The following SLC27A1 variants were observed in gnomAD, a reference collection of about 807,000 sequenced individuals.
SLC27A1 encodes the protein long-chain fatty acid transport protein 1.
A neutral mutation model predicts 62.2 loss-of-function variants in SLC27A1; 61 were observed. The ratio of observed to expected loss-of-function variants is 0.98; its 90% confidence interval spans 0.80 to 1.21. SLC27A1 has a LOEUF of 1.21. Ranked by LOEUF, SLC27A1 falls within the 50% of genes most tolerant of loss-of-function variation. SLC27A1 has a pLI of 0.00. For synonymous variants in SLC27A1, 435 were observed against 408.6 expected, an observed-to-expected ratio of 1.06 and a Z score of -0.78; for missense variants, 903 against 932.1, an observed-to-expected ratio of 0.97 and a Z score of 0.41.
At chr19:17,482,423 C>T (rs1008280449) in intron 1 of SLC27A1, among the ~76,000 whole-genome samples, 2 of 151,926 alleles carry the variant, frequency 1.3e-5, no homozygotes, top group Non-Finnish European at 2.9e-5. Flanking sequence ...GAGGCCGAGG[C>T]GGGTGGATCA....
chr19:17,497,291 C>G lies in SLC27A1; in HGVS notation c.1033C>G (p.Leu345Val). 1 of 1,606,688 alleles carries G rather than the reference C, an allele frequency of 6.2e-7. No homozygotes were observed. The highest frequency in any genetic ancestry group is 2.3e-5 in the East Asian group (1 of 44,156). ...CATCGGGGAGATCTGCCGCTACCTG[C>G]TGAAGCAGCCGGTGCGCGAGGCGGA... ...QYIGEICRYL[L>V]KQPVREAERR... is the part of the protein sequence containing the mutation. Residue 345 changes from leucine (L) to valine (V), a missense_variant, in exon 7 of 12, where the codon CTG becomes GTG. Leu to Val is a conservative substitution (Grantham distance 32). Transcript: ENST00000252595.
chr19:17,488,630 A>G, intron 4 of SLC27A1: 1 of 595,430 alleles, frequency 1.7e-6, no homozygotes. Context: ...TGGCTGCATT[A>G]CCATCAGCCC....
At chr19:17,472,834 T>G (rs2075089654) in intron 1 of SLC27A1, among the ~76,000 whole-genome samples, 1 of 152,096 alleles carries the variant, frequency 6.6e-6, no homozygotes, top group African/African-American at 2.4e-5. Context: ...GCTCCCTTTT[T>G]TTTGAGACAG....
chr19:17,483,440 A>G (rs1190272194), intron 1 of SLC27A1, among the ~76,000 whole-genome samples: 3 of 151,964 alleles, frequency 2.0e-5, no homozygotes, highest in Non-Finnish European at 2.9e-5. Context: ...GGCTGTGCTC[A>G]GCTCAGTGAG....
intron 1 of SLC27A1, among the ~76,000 whole-genome samples, chr19:17,485,501 GT>G (rs2075220844): frequency 7.9e-5 from 3 of 37,800 alleles, no homozygotes; most frequent in Non-Finnish European, 1.3e-4. Flanking sequence ...AGCATTTCTT[GT>G]TTGTTTGTTT....
Position 17,501,430 on chromosome 19 carries a change from C to T in SLC27A1, c.1783+11C>T. The T allele has an allele frequency of 6.2e-7, 1 of 1,609,592 alleles. No homozygotes were observed. Among genetic ancestry groups the T allele is most frequent in the Non-Finnish European group, 8.5e-7 (1 of 1,178,038 alleles). On this transcript the variant is annotated intron_variant, in intron 11 of 11. Transcript: ENST00000252595. The stretch of plus-strand genomic sequence containing the variant: ...AGGTGGACACCACAGGTGCGAGTCT[C>T]CCCCACTCCAATCTCTCTCTTCATC...
intron 1 of SLC27A1, chr19:17,483,999 C>G (rs2075204541): frequency 6.6e-6 from 1 of 152,310 alleles, no homozygotes. Flanking sequence ...GCCTGGTATT[C>G]AGTCATATAC....
chr19:17,492,616 CAAAA>C (rs35790162), intron 6 of SLC27A1, among the ~76,000 whole-genome samples: 5 of 70,634 alleles, frequency 7.1e-5, no homozygotes, highest in African/African-American at 2.7e-4. Flanking sequence ...GACTCCATCT[CAAAA>C]AAAAAAAAAA....
intron 6 of SLC27A1, 21 bp downstream of exon 6, chr19:17,489,138 G>C (rs2075269253): frequency 6.3e-7 from 1 of 1,599,756 alleles, no homozygotes; most frequent in Non-Finnish European, 8.5e-7. Context: ...GCCCTGTTCT[G>C]TCTAGACCCC....
At chr19:17,471,409 G>C (rs1458366969) in intron 1 of SLC27A1, among the ~76,000 whole-genome samples, 3 of 151,986 alleles carry the variant, frequency 2.0e-5, no homozygotes, top group Non-Finnish European at 4.4e-5. Context: ...GTCTCTTCTG[G>C]AGACTGGGAC....
chr19:17,475,895 G>C (rs1023071131), intron 1 of SLC27A1, among the ~76,000 whole-genome samples: 4 of 152,132 alleles, frequency 2.6e-5, no homozygotes, highest in Non-Finnish European at 4.4e-5. Context: ...GGCTGCCTAG[G>C]CATGTGGCTG....
Position 17,505,117 on chromosome 19 carries a change from C to G in SLC27A1, c.*505C>G. The G allele has an allele frequency of 2.9e-6, 1 of 349,644 alleles. No individual in the cohort carries two copies. The highest frequency in any genetic ancestry group is 5.6e-6 in the Non-Finnish European group (1 of 178,238). The allele number at this position is 349,644 out of a possible 1,614,324, so 21.7% of individuals were successfully genotyped here. A position where few individuals can be genotyped will look rare whatever the true frequency, so the allele number is the denominator to read the frequency against. ...CCATGTTGGTCAGGTTGGTCTTGAACTCCTGACCTCAGGTGATCCGCTGGC... is the reference window on the plus strand; with the variant it reads ...CCATGTTGGTCAGGTTGGTCTTGAAGTCCTGACCTCAGGTGATCCGCTGGC... On this transcript the variant is annotated 3_prime_UTR_variant, in exon 12 of 12. Transcript: ENST00000252595.
At position 17,486,888 on chromosome 19, in the gene SLC27A1, G is replaced by A. The variant is rs1380376807; in HGVS notation, c.493G>A (p.Glu165Lys). 1.9e-6 allele frequency: 3 copies of A among 1,588,874 alleles called. No individual in the cohort carries two copies. The highest frequency in any genetic ancestry group is 2.3e-5 in the East Asian group (1 of 44,404). Reference protein sequence around the residue: ...AALLNVNLRREPLAFCLGTSG... With the variant: ...AALLNVNLRRKPLAFCLGTSG... ...GCTGCTCAACGTGAACCTGCGGCGCGAGCCCCTGGCCTTCTGCCTGGGCAC... is the reference window on the plus strand; with the variant it reads ...GCTGCTCAACGTGAACCTGCGGCGCAAGCCCCTGGCCTTCTGCCTGGGCAC... Residue 165 changes from glutamate to lysine, a missense_variant, in exon 2 of 12, where the codon GAG becomes AAG. Transcript: ENST00000252595. The surrounding 1 kb of genome is among the most constrained non-coding windows in gnomAD (Gnocchi z 6.6).
chr19:17,486,447 T>C lies in SLC27A1; in HGVS notation c.168-116T>C. 1 of 1,262,412 alleles carries C rather than the reference T, an allele frequency of 7.9e-7. No individual in the cohort carries two copies. The highest frequency in any genetic ancestry group is 1.5e-5 in the African/African-American group (1 of 66,460). The allele number at this position is 1,262,412 out of a possible 1,614,324, so 78.2% of individuals were successfully genotyped here. On this transcript the variant is annotated intron_variant, in intron 1 of 11. Transcript: ENST00000252595. This position sits in a 1 kb window ranked among gnomAD's most constrained non-coding sequence, Gnocchi z 6.6. ...GATCCAGCCACCAAAAGTTTCACCA[T>C]AGACCTCATCAAAGCCCCTGGCTGC...
chr19:17,493,886 A>T (rs2075320764), intron 6 of SLC27A1, among the ~76,000 whole-genome samples: 1 of 152,100 alleles, frequency 6.6e-6, no homozygotes, highest in South Asian at 2.1e-4. Flanking sequence ...CCAGCCTCCC[A>T]AACTGCTGGG....
chr19:17,504,929 G>T lies in SLC27A1; in HGVS notation c.*317G>T. On this transcript the variant is annotated 3_prime_UTR_variant, in exon 12 of 12. Transcript: ENST00000252595. ...TTTTTTTAAGATAGAGTCTCACTCT[G>T]CTGCCCGGGCTAGAGTGCAGTGGTG... 6.2e-6 allele frequency: 3 copies of T among 483,480 alleles called. No individual in the cohort carries two copies. Among genetic ancestry groups the T allele is most frequent in the South Asian group, 1.6e-5 (1 of 63,752 alleles). The allele number at this position is 483,480 out of a possible 1,614,324, so 29.9% of individuals were successfully genotyped here. A position where few individuals can be genotyped will look rare whatever the true frequency, so the allele number is the denominator to read the frequency against.
chr19:17,477,240 C>CTTTTTTTGTTTTTTT (rs2075132494), intron 1 of SLC27A1, among the ~76,000 whole-genome samples: 1 of 43,808 alleles, frequency 2.3e-5, no homozygotes, highest in South Asian at 1.2e-3. Flanking sequence ...ATGAGCAGCG[C>CTTTTTTTGTTTTTTT]TTTTTTTTTT....
At chr19:17,470,343 T>C (rs964751412), upstream of SLC27A1, 4 of 597,184 alleles carry the variant, frequency 6.7e-6, no homozygotes, top group African/African-American at 8.0e-5. Flanking sequence ...AAAGGGGCGA[T>C]GCCTGGCCTG....
At position 17,492,597 on chromosome 19, in the gene SLC27A1, CA is replaced by C. The variant is rs371540483; in HGVS notation, c.996+3482del. ...CACCACTGCACTCCAGCCTGGGTGA[CA>C]AGAGTGAGACTCCATCTCAAAAAAA... On this transcript the variant is annotated intron_variant, in intron 6 of 11. Coordinates refer to ENST00000252595, the MANE Select transcript of SLC27A1 (RefSeq NM_198580.3). Among the ~76,000 whole-genome samples the C allele has an allele frequency of 7.3e-3, 702 of 96,204 alleles. 8 individuals carry two copies. The highest frequency in any genetic ancestry group is 0.027 in the African/African-American group (651 of 24,312). The allele number at this position is 96,204 out of a possible 152,430, so 63.1% of individuals were successfully genotyped here.
Sources: gnomAD v4.1 joint callset for allele counts (sites outside exome capture counted in the v4.1 genomes callset) on GRCh38, gnomAD v4.1.1 for gene constraint, Gnocchi (gnomAD v3.1) non-coding constraint, MANE v1.5 for transcripts, NCBI Gene and HGNC (gene_info 2026-07-23, HGNC 2026-07-21) for gene names.